Variants in ACYP2 observed in about 807,000 individuals in gnomAD.
ACYP2 encodes acylphosphatase-2.
A neutral mutation model predicts 11.2 loss-of-function variants in ACYP2; 12 were observed. That is an observed-to-expected ratio of 1.08 (90% CI 0.69 to 1.74). The LOEUF (loss-of-function observed/expected upper bound fraction) is 1.74, where lower values mean the gene tolerates loss of function less well. Ranked by LOEUF, ACYP2 falls within the 40% of genes most tolerant of loss-of-function variation. ACYP2 has a pLI of 0.00. For synonymous variants in ACYP2, 43 were observed against 32.2 expected (o/e 1.33, Z -1.13); for missense variants, 134 against 101.9 (o/e 1.31, Z -1.35).
intron 6 of ACYP2, among the ~76,000 whole-genome samples, chr2:54,146,908 C>T (rs1000480363): frequency 2.0e-5 from 3 of 151,876 alleles, no homozygotes; most frequent in Admixed American, 6.6e-5. Flanking sequence ...AGTTCTCCTG[C>T]CTCAGCCTCC....
intron 6 of ACYP2, among the ~76,000 whole-genome samples, chr2:54,259,747 A>G (rs901268235): frequency 4.6e-5 from 7 of 152,210 alleles, no homozygotes; most frequent in African/African-American, 1.7e-4. Context: ...CCAAAAAGAA[A>G]CAAAGAAATG....
intron 2 of ACYP2, among the ~76,000 whole-genome samples, chr2:53,991,794 A>G (rs1672310531): frequency 6.6e-6 from 1 of 151,712 alleles, no homozygotes; most frequent in Admixed American, 6.6e-5. Context: ...TTTTATATTT[A>G]TTTATTTTTA....
chr2:54,188,751 C>A (rs60263555), intron 6 of ACYP2, among the ~76,000 whole-genome samples: 25,299 of 152,128 alleles, frequency 0.17, 2,332 homozygotes, highest in East Asian at 0.4. Flanking sequence ...GATTCTCAGG[C>A]CCCACCCCAG....
intron 6 of ACYP2, among the ~76,000 whole-genome samples, chr2:54,183,020 C>T (rs1368146782): frequency 6.6e-6 from 1 of 152,172 alleles, no homozygotes; most frequent in East Asian, 1.9e-4. Flanking sequence ...CCATCACCAC[C>T]ATTTAACATA....
At chr2:54,150,983 C>T (rs1368017707) in intron 6 of ACYP2, among the ~76,000 whole-genome samples, 3 of 146,702 alleles carry the variant, frequency 2.0e-5, no homozygotes, top group Non-Finnish European at 4.5e-5. Flanking sequence ...CCTCGTGATC[C>T]GCCCACCTCG....
At chr2:53,982,369 G>T (rs1474862942) in intron 2 of ACYP2, among the ~76,000 whole-genome samples, 1 of 152,198 alleles carries the variant, frequency 6.6e-6, no homozygotes, top group Non-Finnish European at 1.5e-5. Context: ...TAGTTCTCCA[G>T]TGTGTATTAT....
At chr2:54,193,554 A>T (rs185565514) in intron 6 of ACYP2, among the ~76,000 whole-genome samples, 47 of 152,328 alleles carry the variant, frequency 3.1e-4, no homozygotes, top group African/African-American at 1.1e-3. Context: ...TAAAAATTGT[A>T]TTGAATGAAT....
intron 2 of ACYP2, among the ~76,000 whole-genome samples, chr2:54,009,894 A>T (rs1325902835): frequency 2.6e-5 from 4 of 152,348 alleles, no homozygotes; most frequent in African/African-American, 9.6e-5. Flanking sequence ...TAAGGGAAAG[A>T]GGAATTCAGT....
intron 6 of ACYP2, among the ~76,000 whole-genome samples, chr2:54,202,176 C>T (rs1188245050): frequency 1.3e-5 from 2 of 152,126 alleles, no homozygotes; most frequent in Admixed American, 6.5e-5. Flanking sequence ...TGCAGTGGCA[C>T]GATCTCAGCT....
chr2:54,003,006 G>A (rs1672873574), intron 2 of ACYP2, among the ~76,000 whole-genome samples: 1 of 151,650 alleles, frequency 6.6e-6, no homozygotes, highest in Non-Finnish European at 1.5e-5. Context: ...GGAGTGCAGT[G>A]GCATGATCTA....
chr2:54,074,770 A>T (rs1351072914), intron 4 of ACYP2, among the ~76,000 whole-genome samples: 2 of 152,206 alleles, frequency 1.3e-5, no homozygotes, highest in African/African-American at 4.8e-5. Flanking sequence ...CTAGAGATGC[A>T]GGGATGAGTC....
intron 4 of ACYP2, among the ~76,000 whole-genome samples, chr2:54,097,158 C>G (rs1474325742): frequency 6.6e-6 from 1 of 152,284 alleles, no homozygotes; most frequent in East Asian, 1.9e-4. Context: ...TCAATGAGCT[C>G]TTCCCTGCAC....
chr2:54,051,096 C>T (rs766351245), intron 3 of ACYP2: 1 of 607,132 alleles, frequency 1.6e-6, no homozygotes. Context: ...AAGAGCTGTG[C>T]AATGGCTCTC....
chr2:54,010,710 C>T (rs1040936602), intron 2 of ACYP2, among the ~76,000 whole-genome samples: 1 of 149,750 alleles, frequency 6.7e-6, no homozygotes, highest in African/African-American at 2.5e-5. Context: ...CTCCTTCCTC[C>T]ACTTCGGTTT....
rs1685798560 is a variant in ACYP2, at chr2:54,221,502, A to T, written c.404+82754A>T. Among the ~76,000 whole-genome samples the T allele has an allele frequency of 2.0e-5, 3 of 147,818 alleles. No individual in the cohort carries two copies. In the South Asian group the frequency reaches 6.5e-4, roughly 32 times the overall value. ...TTTTCTTGGCTAGTGGCCATTACAAATTTTATTGAATAAAATTCTTTTTTT... is the reference window on the plus strand; with the variant it reads ...TTTTCTTGGCTAGTGGCCATTACAATTTTTATTGAATAAAATTCTTTTTTT... On this transcript the variant is annotated intron_variant, in intron 6 of 6. Transcript: ENST00000607452.
At chr2:54,022,956 G>T (rs1674082083) in intron 2 of ACYP2, among the ~76,000 whole-genome samples, 2 of 152,120 alleles carry the variant, frequency 1.3e-5, no homozygotes. Context: ...AAACACACAG[G>T]TTTAACTGTT....
chr2:54,126,656 T>G (rs982378784), intron 4 of ACYP2, among the ~76,000 whole-genome samples: 1 of 150,730 alleles, frequency 6.6e-6, no homozygotes, highest in African/African-American at 2.4e-5. Flanking sequence ...TTTACAAAGT[T>G]TATGCTTCTG....
intron 6 of ACYP2, among the ~76,000 whole-genome samples, chr2:54,269,795 A>G (rs941618870): frequency 1.3e-5 from 2 of 152,204 alleles, no homozygotes; most frequent in African/African-American, 4.8e-5. Flanking sequence ...ATTTATAGAA[A>G]AGCCATTATT....
intron 4 of ACYP2, chr2:54,065,394 A>C (rs140597049): frequency 2.5e-6 from 1 of 398,100 alleles, no homozygotes; most frequent in Non-Finnish European, 4.4e-6. Flanking sequence ...CTATTCTCCT[A>C]TGCTTTTATA....
Sources: gnomAD v4.1 joint callset for allele counts (sites outside exome capture counted in the v4.1 genomes callset) on GRCh38, gnomAD v4.1.1 for gene constraint, MANE v1.5 for transcripts, NCBI Gene and HGNC (gene_info 2026-07-23, HGNC 2026-07-21) for gene names.